Variants in SNRPN observed in about 807,000 individuals in gnomAD.
SNRPN encodes the protein small nuclear ribonucleoprotein polypeptide N.
SNRPN carries 7 observed loss-of-function variants against 25.2 expected under a neutral mutation model. That is an observed-to-expected ratio of 0.28 (90% CI 0.16 to 0.52). SNRPN has a LOEUF of 0.52. SNRPN is among the 20% of genes least tolerant of loss of function. SNRPN has a pLI of 0.96. For synonymous variants in SNRPN, 124 were observed against 110.6 expected, an observed-to-expected ratio of 1.12 and a Z score of -0.76; for missense variants, 196 against 322.5, an observed-to-expected ratio of 0.61 and a Z score of 3.00.
chr15:24,860,731 A>C lies in SNRPN; in HGVS notation c.-579+4015A>C, dbSNP rs182828199. 1.6e-4 allele frequency among the ~76,000 whole-genome samples: 25 copies of C among 152,326 alleles called. No homozygotes were observed. The East Asian group carries it at 4.0e-3, about 25-fold the overall frequency. On this transcript the variant is annotated intron_variant, in intron 1 of 11. Transcript: ENST00000400097. ...ATGCAATTTATTGAATACTGTACTG[A>C]AACAGAAAAACAGAAAGATTGGACA...
intron 3 of SNRPN, among the ~76,000 whole-genome samples, chr15:24,971,232 C>T (rs1441132442): frequency 6.6e-6 from 1 of 152,172 alleles, no homozygotes; most frequent in Non-Finnish European, 1.5e-5. Flanking sequence ...GCCCTTTGAT[C>T]TCAGAAGATA....
At chr15:24,837,523 C>T (rs982642953) in intron 2 of SNRPN, among the ~76,000 whole-genome samples, 1 of 151,310 alleles carries the variant, frequency 6.6e-6, no homozygotes, top group African/African-American at 2.4e-5. Flanking sequence ...CGCCCACCAC[C>T]ATGCCTGGCT....
chr15:24,845,743 A>AT (rs1199960341), intron 2 of SNRPN, among the ~76,000 whole-genome samples: 1 of 151,240 alleles, frequency 6.6e-6, no homozygotes, highest in Non-Finnish European at 1.5e-5. Flanking sequence ...TAAAAAAAAT[A>AT]TAAAAAATCA....
rs116496069 is a variant in SNRPN, at chr15:24,834,560, G to A, written c.-579+4655G>A. 7.8e-3 allele frequency among the ~76,000 whole-genome samples: 1,188 copies of A among 151,612 alleles called. 26 individuals carry two copies. The highest frequency in any genetic ancestry group is 0.026 in the African/African-American group (1,059 of 41,220). On this transcript the variant is annotated intron_variant, in intron 2 of 12. Coordinates refer to the SNRPN transcript ENST00000400100. ...AGCCTGAGCAACATAGCAAGAGCCC[G>A]TCTCTATAAAAAGTGTAAAAATCTA...
At chr15:24,895,004 G>A (rs1353826395) in intron 2 of SNRPN, among the ~76,000 whole-genome samples, 2 of 152,158 alleles carry the variant, frequency 1.3e-5, no homozygotes. Context: ...AGTTAAACCT[G>A]AGTGTTTTTT....
chr15:24,939,648 G>A lies in SNRPN; in HGVS notation c.-391+19524G>A, dbSNP rs150216071. ...GGGTTTCACCGTGTTAACCACGCTG[G>A]TCTCGAACTCCTGACTTCGAATGAT... On this transcript the variant is annotated intron_variant, in intron 3 of 11. Coordinates refer to the SNRPN transcript ENST00000400097. Among the ~76,000 whole-genome samples the A allele has an allele frequency of 2.2e-3, 336 of 152,164 alleles. 1 individual carries two copies. The highest frequency in any genetic ancestry group is 7.5e-3 in the African/African-American group (312 of 41,504).
chr15:24,946,072 A>T (rs577032320), intron 3 of SNRPN, among the ~76,000 whole-genome samples: 1 of 152,330 alleles, frequency 6.6e-6, no homozygotes, highest in Non-Finnish European at 1.5e-5. Context: ...GCATTTATAA[A>T]AACTTCTTAT....
chr15:24,852,337 T>G (rs1370223954), upstream of SNRPN: 3 of 152,218 alleles, frequency 2.0e-5, no homozygotes, highest in African/African-American at 7.2e-5. Context: ...TTTAATTTGC[T>G]CTTCTTTTTC....
At chr15:24,872,515 G>A (rs1476561868) in intron 1 of SNRPN, among the ~76,000 whole-genome samples, 1 of 119,432 alleles carries the variant, frequency 8.4e-6, no homozygotes. Context: ...GGAGGCCAAG[G>A]CGGGCGGATC....
intron 1 of SNRPN, among the ~76,000 whole-genome samples, chr15:24,956,292 A>T (rs995679072): frequency 2.0e-5 from 3 of 146,744 alleles, no homozygotes; most frequent in Non-Finnish European, 4.5e-5. Context: ...CGTCACTGCC[A>T]TTGTGCAGCT....
At chr15:24,932,661 T>TTC (rs398026608) in intron 3 of SNRPN, among the ~76,000 whole-genome samples, 9 of 151,498 alleles carry the variant, frequency 5.9e-5, no homozygotes, top group Admixed American at 5.3e-4. Context: ...TTTTTTTTTT[T>TTC]CCTTTGAGAC....
intron 1 of SNRPN, among the ~76,000 whole-genome samples, chr15:24,874,310 A>T (rs1175993529): frequency 1.2e-4 from 4 of 34,238 alleles, no homozygotes; most frequent in African/African-American, 5.9e-4. Context: ...ACTCTGTCTC[A>T]AAAAAAAAAA....
At chr15:24,931,670 C>G (rs1160768129) in intron 3 of SNRPN, among the ~76,000 whole-genome samples, 1 of 151,518 alleles carries the variant, frequency 6.6e-6, no homozygotes, top group African/African-American at 2.4e-5. Flanking sequence ...GAAACACTGT[C>G]TCTACAAAAA....
intron 2 of SNRPN, among the ~76,000 whole-genome samples, chr15:24,847,985 C>T (rs985180665): frequency 3.9e-5 from 6 of 151,912 alleles, no homozygotes; most frequent in Non-Finnish European, 5.9e-5. Context: ...TAGACTAAAG[C>T]CTTGATGGGT....
rs762451650 is a variant in SNRPN, at chr15:24,977,746, C to G, written c.421-32C>G. 2.0e-5 allele frequency: 31 copies of G among 1,550,672 alleles called. No individual in the cohort carries two copies. The Middle Eastern group carries it at 8.6e-4, about 43-fold the overall frequency. On this transcript the variant is annotated intron_variant, in intron 7 of 9. Coordinates refer to ENST00000390687, the MANE Select transcript of SNRPN (RefSeq NM_003097.6). ...GTTTGAATAATGTGAAGGTTTGCAT[C>G]GCTTTGACTGTTTCCCGCCCTGCCT... is the stretch of plus-strand genomic sequence containing the variant.
intron 1 of SNRPN, among the ~76,000 whole-genome samples, chr15:24,881,905 G>C (rs2149682224): frequency 6.6e-6 from 1 of 152,218 alleles, no homozygotes; most frequent in South Asian, 2.1e-4. Context: ...ATCAGATCCT[G>C]GGCAGGCAAA....
chr15:24,895,948 G>C lies in SNRPN; in HGVS notation c.-505+9359G>C, dbSNP rs138170745. Among the ~76,000 whole-genome samples, 135 of 152,258 alleles carry C rather than the reference G, an allele frequency of 8.9e-4. 1 individual carries two copies. The East Asian group carries it at 0.018, about 20-fold the overall frequency. On this transcript the variant is annotated intron_variant, in intron 2 of 11. Transcript: ENST00000400097. Reference sequence around the variant, plus strand: ...TTCAATCCAGATTTGGCCTATGTTTGTATTAAAGGTGTTATTCCCATGTAA... The same window carrying C: ...TTCAATCCAGATTTGGCCTATGTTTCTATTAAAGGTGTTATTCCCATGTAA...
rs535195543 is a variant in SNRPN, at chr15:24,827,655, T to A, written c.-686-2143T>A. Among the ~76,000 whole-genome samples the A allele has an allele frequency of 1.9e-3, 293 of 151,206 alleles. 1 individual carries two copies. Among genetic ancestry groups the A allele is most frequent in the Non-Finnish European group, 3.2e-3 (216 of 67,900 alleles). On this transcript the variant is annotated intron_variant, in intron 1 of 12. Transcript: ENST00000400100. ...AGGTTGAGGCAGGAGGATCACGAGGTCAGGAGTTCGAGACCAGCCTGACCA... is the reference window on the plus strand; with the variant it reads ...AGGTTGAGGCAGGAGGATCACGAGGACAGGAGTTCGAGACCAGCCTGACCA...
At chr15:24,971,419 C>T (rs2076387789) in intron 3 of SNRPN, among the ~76,000 whole-genome samples, 2 of 152,128 alleles carry the variant, frequency 1.3e-5, no homozygotes, top group Non-Finnish European at 2.9e-5. Flanking sequence ...TGAGAGAGAA[C>T]TGTTTCTAAA....
Sources: allele counts gnomAD v4.1 joint callset (sites outside exome capture counted in the v4.1 genomes callset), GRCh38; gene constraint gnomAD v4.1.1; transcripts MANE v1.5; gene names NCBI Gene and HGNC (gene_info 2026-07-23, HGNC 2026-07-21).